Variants in EPHA6 observed in about 807,000 individuals in gnomAD.
EPHA6 encodes ephrin type-A receptor 6.
A neutral mutation model predicts 112.0 loss-of-function variants in EPHA6; 50 were observed. The ratio of observed to expected loss-of-function variants is 0.45; its 90% CI spans 0.36 to 0.56. EPHA6 has a LOEUF of 0.56. Among genes scored for constraint, EPHA6 ranks in the 20% least tolerant of loss-of-function variants. The pLI, the probability that EPHA6 is intolerant of heterozygous loss-of-function variation, is 0.00. For missense variants in EPHA6, 1,280 were observed against 1,417.4 expected, an observed-to-expected ratio of 0.90 and a Z score of 1.56; for synonymous variants, 529 against 490.7, an observed-to-expected ratio of 1.08 and a Z score of -1.03.
intron 5 of EPHA6, among the ~76,000 whole-genome samples, chr3:97,361,080 C>T (rs2084346535): frequency 6.6e-6 from 1 of 152,128 alleles, no homozygotes; most frequent in South Asian, 2.1e-4. Flanking sequence ...GATCAAGGAT[C>T]GCTTTGTTTT....
intron 2 of EPHA6, among the ~76,000 whole-genome samples, chr3:96,946,734 C>A (rs534316346): frequency 3.0e-4 from 46 of 152,272 alleles, no homozygotes; most frequent in African/African-American, 9.9e-4. Flanking sequence ...GTTCTAGATC[C>A]TTGAGGAATC....
At chr3:97,402,791 A>C (rs1284928886) in intron 5 of EPHA6, among the ~76,000 whole-genome samples, 1 of 152,168 alleles carries the variant, frequency 6.6e-6, no homozygotes. Flanking sequence ...AAAGAGTTTT[A>C]AATGTAGTTT....
chr3:97,229,799 G>T (rs1303866441), intron 4 of EPHA6, among the ~76,000 whole-genome samples: 3 of 151,954 alleles, frequency 2.0e-5, no homozygotes, highest in African/African-American at 7.3e-5. Flanking sequence ...TTCATTAGTA[G>T]ATGTAATTTT....
chr3:97,105,904 G>A (rs1167714084), intron 3 of EPHA6, among the ~76,000 whole-genome samples: 2 of 152,014 alleles, frequency 1.3e-5, no homozygotes, highest in Admixed American at 1.3e-4. Flanking sequence ...ATTATGTGAT[G>A]CCTTTCTTTG....
At chr3:96,975,790 A>G (rs1352610908) in intron 2 of EPHA6, among the ~76,000 whole-genome samples, 1 of 152,200 alleles carries the variant, frequency 6.6e-6, no homozygotes, top group Non-Finnish European at 1.5e-5. Flanking sequence ...GACCATAGAC[A>G]GAAGTTCCTT....
At chr3:97,566,018 CAAAA>C (rs59606297) in intron 11 of EPHA6, among the ~76,000 whole-genome samples, 8 of 81,706 alleles carry the variant, frequency 9.8e-5, no homozygotes, top group Admixed American at 1.2e-4. Flanking sequence ...GACACCGTCT[CAAAA>C]AAAAAAAAAA....
At chr3:96,888,247 C>T (rs1359531307) in intron 2 of EPHA6, among the ~76,000 whole-genome samples, 1 of 152,170 alleles carries the variant, frequency 6.6e-6, no homozygotes, top group African/African-American at 2.4e-5. Flanking sequence ...CCAGCGAGCT[C>T]ACAGGGCCTT....
At chr3:97,400,697 A>G (rs934287354) in intron 5 of EPHA6, among the ~76,000 whole-genome samples, 3 of 151,636 alleles carry the variant, frequency 2.0e-5, no homozygotes, top group African/African-American at 7.2e-5. Context: ...GCTATTTTAA[A>G]TGGGATTGCC....
chr3:97,406,512 T>C (rs1472314362), intron 6 of EPHA6, among the ~76,000 whole-genome samples: 1 of 152,152 alleles, frequency 6.6e-6, no homozygotes, highest in Admixed American at 6.6e-5. Flanking sequence ...TAATCACCTC[T>C]TAAAGGTTCC....
chr3:96,864,398 C>T (rs1486029468), intron 1 of EPHA6, among the ~76,000 whole-genome samples: 1 of 152,012 alleles, frequency 6.6e-6, no homozygotes, highest in African/African-American at 2.4e-5. Flanking sequence ...CATGCAGTGA[C>T]ATAGATGGAT....
intron 3 of EPHA6, among the ~76,000 whole-genome samples, chr3:97,184,930 T>C (rs1210477429): frequency 6.6e-6 from 1 of 152,158 alleles, no homozygotes; most frequent in Non-Finnish European, 1.5e-5. Flanking sequence ...AACCATCTGA[T>C]CTTTGACAAA....
chr3:96,977,975 A>G (rs955969657), intron 2 of EPHA6, among the ~76,000 whole-genome samples: 3 of 152,088 alleles, frequency 2.0e-5, no homozygotes, highest in African/African-American at 4.8e-5. Context: ...CCTGGGCAAC[A>G]TGGCAAAATC....
intron 14 of EPHA6, among the ~76,000 whole-genome samples, chr3:97,648,922 A>G (rs1198405236): frequency 6.6e-6 from 1 of 152,054 alleles, no homozygotes; most frequent in Non-Finnish European, 1.5e-5. Flanking sequence ...GGTAAAATGC[A>G]TTTTACTCTA....
chr3:97,258,080 TCA>T (rs2079375699), intron 5 of EPHA6, among the ~76,000 whole-genome samples: 1 of 152,084 alleles, frequency 6.6e-6, no homozygotes, highest in Non-Finnish European at 1.5e-5. Context: ...ATTTACCCTA[TCA>T]CAGTGCATAA....
rs1210567004 is a variant in EPHA6 at position 97,390,273 on chromosome 3, G to A, written c.1607-14877G>A. 3.9e-5 allele frequency among the ~76,000 whole-genome samples: 6 copies of A among 152,166 alleles called. No homozygotes were observed. The East Asian group carries it at 1.2e-3, about 29-fold the overall frequency. Reference sequence around the variant, plus strand: ...TTCCTTTAATGAGAGAACAAAAGCAGTTTTGCAGCCCCATTCTGGTGAACT... The same window carrying A: ...TTCCTTTAATGAGAGAACAAAAGCAATTTTGCAGCCCCATTCTGGTGAACT... On this transcript the variant is annotated intron_variant, in intron 5 of 17. Coordinates refer to ENST00000389672, the MANE Select transcript of EPHA6 (RefSeq NM_001080448.3).
intron 5 of EPHA6, among the ~76,000 whole-genome samples, chr3:97,329,664 G>A (rs1019675035): frequency 1.3e-5 from 2 of 152,056 alleles, no homozygotes; most frequent in African/African-American, 4.8e-5. Context: ...TGATGGGGTT[G>A]TTTGTTTTTT....
intron 3 of EPHA6, among the ~76,000 whole-genome samples, chr3:97,136,676 C>T (rs943116827): frequency 7.2e-5 from 11 of 152,090 alleles, no homozygotes; most frequent in Non-Finnish European, 1.2e-4. Context: ...CTACAGTGAG[C>T]CATGATTACT....
At chr3:97,272,001 A>G (rs1029374761) in intron 5 of EPHA6, among the ~76,000 whole-genome samples, 8 of 152,194 alleles carry the variant, frequency 5.3e-5, no homozygotes, top group Non-Finnish European at 1.2e-4. Flanking sequence ...ACTATAGTCC[A>G]CATGCTATGT....
intron 3 of EPHA6, among the ~76,000 whole-genome samples, chr3:97,209,340 G>T (rs2077802478): frequency 6.6e-6 from 1 of 151,882 alleles, no homozygotes; most frequent in Admixed American, 6.6e-5. Context: ...TTTGTATAAT[G>T]AAAAGATGTA....
Sources: allele counts gnomAD v4.1 joint callset (sites outside exome capture counted in the v4.1 genomes callset), GRCh38; gene constraint gnomAD v4.1.1; transcripts MANE v1.5; gene names NCBI Gene and HGNC (gene_info 2026-07-23, HGNC 2026-07-21).